Variants in KCNAB2 observed in about 807,000 individuals in gnomAD.
KCNAB2 encodes voltage-gated potassium channel subunit beta-2.
Under a neutral mutation model 63.6 loss-of-function variants are expected in KCNAB2, and 29 were observed. The observed-to-expected ratio is 0.46, with a 90% CI of 0.34 to 0.62. The LOEUF (loss-of-function observed/expected upper bound fraction) is 0.62, where lower values mean the gene tolerates loss of function less well. Ranked by LOEUF, KCNAB2 falls within the 20% of genes least tolerant of loss-of-function variation. KCNAB2 has a pLI of 0.01. For missense variants in KCNAB2, 359 were observed against 563.9 expected (o/e 0.64, Z 3.68); for synonymous variants, 222 against 224.2 (o/e 0.99, Z 0.09).
chr1:6,085,312 G>T, intron 6 of KCNAB2, 64 bp downstream of exon 6: 1 of 1,438,890 alleles, frequency 6.9e-7, no homozygotes. Flanking sequence ...CCCAGGGTCA[G>T]CCTCGTCGGC....
intron 1 of KCNAB2, among the ~76,000 whole-genome samples, chr1:6,007,137 C>T (rs1022036294): frequency 6.6e-6 from 1 of 152,254 alleles, no homozygotes; most frequent in East Asian, 1.9e-4. Flanking sequence ...ATCAGCCAGG[C>T]GAGCTGGGAG....
chr1:6,041,621 C>T (rs1660504054), upstream of KCNAB2: 2 of 576,530 alleles, frequency 3.5e-6, no homozygotes, highest in East Asian at 5.8e-5. Flanking sequence ...GGGTCTCTGC[C>T]CCGTGGCCAC....
At position 6,009,396 on chromosome 1, in the gene KCNAB2, C is replaced by T. The variant is rs373120828; in HGVS notation, c.-53+16608C>T. On this transcript the variant is annotated intron_variant, in intron 1 of 16. Coordinates refer to the KCNAB2 transcript ENST00000341524. ...GAGGGGGCCCGGTGGTGTCCGTGTG[C>T]GTGTATGTGTGCACACGTGTGCATA... 1.2e-4 allele frequency among the ~76,000 whole-genome samples: 19 copies of T among 152,240 alleles called. 4 individuals carry two copies. Among genetic ancestry groups the T allele is most frequent in the South Asian group, 6.3e-4 (3 of 4,800 alleles).
At chr1:6,082,916 A>G (rs1170538721) in intron 5 of KCNAB2, among the ~76,000 whole-genome samples, 2 of 152,158 alleles carry the variant, frequency 1.3e-5, no homozygotes, top group African/African-American at 4.8e-5. Flanking sequence ...GGCAGGCTGC[A>G]GGCCTGGGCT....
Position 6,024,452 on chromosome 1 carries a change from G to T in KCNAB2, c.-52-16065G>T, listed in dbSNP as rs1202592259. Among the ~76,000 whole-genome samples the T allele has an allele frequency of 3.3e-5, 5 of 152,022 alleles. No homozygotes were observed. The highest frequency in any genetic ancestry group is 1.3e-4 in the Admixed American group (2 of 15,260). On this transcript the variant is annotated intron_variant, in intron 1 of 16. Transcript: ENST00000341524. This position sits in a 1 kb window ranked among gnomAD's most constrained non-coding sequence, Gnocchi z 5.4. ...CATTTACCAGTCACCTGCCTTCCTGGTCCAAAGAAACTTTTTAAAAAAAGA... is the reference window on the plus strand; with the variant it reads ...CATTTACCAGTCACCTGCCTTCCTGTTCCAAAGAAACTTTTTAAAAAAAGA...
At chr1:6,025,450 C>T (rs1243205635) in intron 1 of KCNAB2, among the ~76,000 whole-genome samples, 4 of 152,166 alleles carry the variant, frequency 2.6e-5, no homozygotes, top group Admixed American at 1.3e-4. Context: ...CAGCAGCTGG[C>T]GTAGGAGGGA....
chr1:6,082,717 T>C (rs1381638972), intron 5 of KCNAB2, among the ~76,000 whole-genome samples: 2 of 152,220 alleles, frequency 1.3e-5, no homozygotes, highest in Non-Finnish European at 2.9e-5. Flanking sequence ...TGCTCAATTA[T>C]GTAAAAGCTC....
At chr1:6,077,866 T>C (rs1383725189) in intron 4 of KCNAB2, among the ~76,000 whole-genome samples, 1 of 152,174 alleles carries the variant, frequency 6.6e-6, no homozygotes, top group African/African-American at 2.4e-5. Context: ...CCGTCTCCAG[T>C]GGTCGAACAG....
At chr1:6,025,356 C>T (rs1659080433) in intron 1 of KCNAB2, among the ~76,000 whole-genome samples, 1 of 152,098 alleles carries the variant, frequency 6.6e-6, no homozygotes, top group Non-Finnish European at 1.5e-5. Context: ...ATGGAATGTT[C>T]CACCCGAGTC....
intron 6 of KCNAB2, chr1:6,085,746 C>A (rs1451574308): frequency 1.3e-6 from 1 of 765,980 alleles, no homozygotes; most frequent in African/African-American, 1.9e-5. Context: ...ACAGGATCTT[C>A]GCGGCGTCTC....
chr1:6,033,197 G>A (rs1659756923), upstream of KCNAB2, among the ~76,000 whole-genome samples: 1 of 151,926 alleles, frequency 6.6e-6, no homozygotes, highest in Non-Finnish European at 1.5e-5. Flanking sequence ...GTGTGTGCAT[G>A]TGCGTGTGTG....
chr1:6,010,951 G>A (rs565182), intron 1 of KCNAB2, among the ~76,000 whole-genome samples: 35,401 of 152,206 alleles, frequency 0.23, 4,325 homozygotes, highest in Admixed American at 0.27. Flanking sequence ...TTCCTCCTTA[G>A]AATTGTGTGA....
intron 1 of KCNAB2, among the ~76,000 whole-genome samples, chr1:6,050,493 TGCACATGA>T (rs1661293365): frequency 6.6e-6 from 1 of 152,236 alleles, no homozygotes; most frequent in Non-Finnish European, 1.5e-5. Context: ...CTCACTGTTG[TGCACATGA>T]ATTAACACCA....
upstream of KCNAB2, among the ~76,000 whole-genome samples, chr1:6,031,170 G>A (rs181267949): frequency 7.9e-5 from 12 of 152,176 alleles, no homozygotes; most frequent in Admixed American, 7.8e-4. The surrounding 1 kb of genome is among the most constrained non-coding windows in gnomAD (Gnocchi z 4.1). Flanking sequence ...TTGACTCCTG[G>A]GCTCAGTCCT....
intron 1 of KCNAB2, among the ~76,000 whole-genome samples, chr1:6,046,653 T>C (rs1277944769): frequency 1.3e-5 from 2 of 152,230 alleles, no homozygotes; most frequent in East Asian, 3.8e-4. Context: ...AGTTTGCTGA[T>C]TGTCCTTGAG....
At chr1:6,085,056 G>A (rs1664577586) in intron 5 of KCNAB2, 148 bp from the exon 6 acceptor site, 2 of 764,940 alleles carry the variant, frequency 2.6e-6, no homozygotes, top group Non-Finnish European at 2.3e-6. Flanking sequence ...TGTGGAATGA[G>A]CTACTGAGCC....
At chr1:6,040,753 G>A in intron 2 of KCNAB2, 1 of 669,656 alleles carries the variant, frequency 1.5e-6, no homozygotes, top group Non-Finnish European at 2.6e-6. Context: ...GGCCCAAGCA[G>A]GGCCCACAGG....
At chr1:6,063,530 C>T (rs752830038) in intron 2 of KCNAB2, among the ~76,000 whole-genome samples, 13 of 152,118 alleles carry the variant, frequency 8.5e-5, no homozygotes, top group Non-Finnish European at 1.0e-4. Flanking sequence ...CTGCCTCAGC[C>T]TCCCGAGTAG....
intron 1 of KCNAB2, among the ~76,000 whole-genome samples, chr1:6,037,975 C>T (rs867767511): frequency 1.3e-5 from 2 of 149,594 alleles, no homozygotes; most frequent in African/African-American, 2.5e-5. Context: ...CCCGGGTTCA[C>T]GCCATTCTCC....
Sources: gnomAD v4.1 joint callset for allele counts (sites outside exome capture counted in the v4.1 genomes callset) on GRCh38, gnomAD v4.1.1 for gene constraint, Gnocchi (gnomAD v3.1) non-coding constraint, MANE v1.5 for transcripts, NCBI Gene and HGNC (gene_info 2026-07-23, HGNC 2026-07-21) for gene names.